The following ZBTB25 variants were observed in gnomAD, a reference collection of about 807,000 sequenced individuals.
The protein encoded by ZBTB25 is zinc finger and BTB domain containing 25, also known as zinc finger and BTB domain-containing protein 25.
In ZBTB25, 20 loss-of-function variants were observed where a neutral mutation model predicts 34.2. That is an observed-to-expected ratio of 0.58 (90% confidence interval 0.41 to 0.85). The LOEUF (loss-of-function observed/expected upper bound fraction) is 0.85, where lower values mean the gene tolerates loss of function less well. Ranked by LOEUF, ZBTB25 falls within the 40% of genes least tolerant of loss-of-function variation. The probability of loss-of-function intolerance (pLI) is 0.00; values close to 1 mark genes in which losing one functional copy is unlikely to be tolerated. For missense variants in ZBTB25, 437 were observed against 521.8 expected, an observed-to-expected ratio of 0.84 and a Z score of 1.58; for synonymous variants, 175 against 186.4, an observed-to-expected ratio of 0.94 and a Z score of 0.50.
chr14:64,463,227 A>AACACACACACACACACACACACACACAC (rs60057039), intron 2 of ZBTB25: 14 of 144,096 alleles, frequency 9.7e-5, no homozygotes, highest in African/African-American at 2.5e-5. Flanking sequence ...GGATACATTA[A>AACACACACACACACACACACACACACAC]ACACACACAC....
chr14:64,488,277 G>A lies in ZBTB25; in HGVS notation c.174-220C>T, dbSNP rs373348618. 1.3e-4 allele frequency among the ~76,000 whole-genome samples: 20 copies of A among 152,112 alleles called. No homozygotes were observed. In the East Asian group the frequency reaches 3.5e-3, roughly 26 times the overall value. ...GTATTCAATCTACTGCCTAAAGTTA[G>A]GAAACACAGACATACATTCTGAATA... On this transcript the variant is annotated intron_variant, in intron 2 of 2. Coordinates refer to ENST00000608382, the MANE Select transcript of ZBTB25 (RefSeq NM_006977.5).
Position 64,486,101 on chromosome 14 carries a change from C to T in ZBTB25, c.*822G>A. 9 of 773,858 alleles carry T rather than the reference C, an allele frequency of 1.2e-5. No homozygotes were observed. The highest frequency in any genetic ancestry group is 1.4e-5 in the Non-Finnish European group (9 of 637,904). The allele number at this position is 773,858 out of a possible 1,614,324, so 47.9% of individuals were successfully genotyped here. ...GATGACGAGGTCAGGAGATCGAGACCATCCTGGCTAACACGGTGAAACCCC... is the reference window on the plus strand; with the variant it reads ...GATGACGAGGTCAGGAGATCGAGACTATCCTGGCTAACACGGTGAAACCCC... On this transcript the variant is annotated 3_prime_UTR_variant, in exon 3 of 3. Transcript: ENST00000608382.
At position 64,487,753 on chromosome 14, in the gene ZBTB25, C is replaced by T; in HGVS notation, c.478G>A (p.Ala160Thr). 1 of 1,614,168 alleles carries T rather than the reference C, an allele frequency of 6.2e-7. No homozygotes were observed. Among genetic ancestry groups the T allele is most frequent in the South Asian group, 1.1e-5 (1 of 91,078 alleles). The change falls in exon 3 of 3, where the codon GCT becomes ACT. Residue 160 changes from alanine (A) to threonine (T), a missense_variant. Ala to Thr is a moderately conservative substitution (Grantham distance 58). Coordinates refer to ENST00000608382, the MANE Select transcript of ZBTB25 (RefSeq NM_006977.5). ...AACTGGGGGTGGTCACCCTGGACAG[C>T]AGCTCTGTTTCCACTGTTACTGGAA... ...APSSNSGNRA[A>T]VQGDHPQLQL...
chr14:64,454,867 G>A (rs748447801), intron 2 of ZBTB25: 1 of 1,614,102 alleles, frequency 6.2e-7, no homozygotes, highest in Non-Finnish European at 8.5e-7. Context: ...GTACCCCTTA[G>A]TAGGAACGGT....
chr14:64,469,471 T>G, intron 2 of ZBTB25: 3 of 1,613,338 alleles, frequency 1.9e-6, no homozygotes, highest in Non-Finnish European at 2.5e-6. Context: ...AAAATGTCCC[T>G]AAGCAATTCT....
intron 2 of ZBTB25, among the ~76,000 whole-genome samples, chr14:64,452,102 C>T (rs955469267): frequency 5.3e-5 from 8 of 152,138 alleles, no homozygotes; most frequent in African/African-American, 1.7e-4. Flanking sequence ...TCGAGACCAG[C>T]CTGACCAAGA....
intron 1 of ZBTB25, among the ~76,000 whole-genome samples, chr14:64,496,557 A>G (rs2079284246): frequency 6.6e-6 from 1 of 152,216 alleles, no homozygotes; most frequent in Non-Finnish European, 1.5e-5. Context: ...AATATTTACT[A>G]TATTCAAAAT....
Position 64,487,774 on chromosome 14 carries a change from T to C in ZBTB25, c.457A>G (p.Ser153Gly). The change falls in exon 3 of 3, where the codon AGT becomes GGT. Residue 153 changes from serine to glycine, a missense_variant. By Grantham distance (56) the Ser-to-Gly change is moderately conservative. Coordinates refer to ENST00000608382, the MANE Select transcript of ZBTB25 (RefSeq NM_006977.5). ...QGLEVKEAPS[S>G]NSGNRAAVQG... is the part of the protein sequence containing the mutation. ...ACAGCAGCTCTGTTTCCACTGTTAC[T>C]GGAAGGAGCTTCTTTGACCTCCAGT... is the stretch of plus-strand genomic sequence containing the variant. The C allele has an allele frequency of 3.1e-6, 5 of 1,614,216 alleles. No homozygotes were observed. The highest frequency in any genetic ancestry group is 4.2e-6 in the Non-Finnish European group (5 of 1,180,030).
At position 64,502,958 on chromosome 14, in the gene ZBTB25, A is replaced by G. The variant is rs1232033384; in HGVS notation, c.-8+703T>C. ...TGCCAGGACTTGAGTCTCAAGAGAAAGAATGCCAAATTTAATCCCTTGGGG... is the reference window on the plus strand; with the variant it reads ...TGCCAGGACTTGAGTCTCAAGAGAAGGAATGCCAAATTTAATCCCTTGGGG... On this transcript the variant is annotated intron_variant, in intron 1 of 2. Coordinates refer to ENST00000608382, the MANE Select transcript of ZBTB25 (RefSeq NM_006977.5). 3.0e-6 allele frequency: 3 copies of G among 985,402 alleles called. No homozygotes were observed. In the African/African-American group the frequency reaches 5.2e-5, roughly 17 times the overall value. 61.0% of individuals were successfully genotyped at this position (985,402 alleles called of 1,614,324 possible).
intron 2 of ZBTB25, among the ~76,000 whole-genome samples, chr14:64,451,102 G>A (rs1304504664): frequency 6.6e-6 from 1 of 152,110 alleles, no homozygotes; most frequent in Admixed American, 6.5e-5. Context: ...CCGGGAGGCG[G>A]ACGTTGCAAT....
chr14:64,466,499 C>T (rs758717773), intron 2 of ZBTB25, among the ~76,000 whole-genome samples: 107 of 152,156 alleles, frequency 7.0e-4, no homozygotes, highest in Non-Finnish European at 1.2e-3. Flanking sequence ...TGAAAACTCA[C>T]AAGAGGTGAG....
chr14:64,458,378 C>T, intron 2 of ZBTB25: 1 of 989,554 alleles, frequency 1.0e-6, no homozygotes. Context: ...AGGGCTCAAA[C>T]TGACGCTATA....
chr14:64,486,886 T>C lies in ZBTB25; in HGVS notation c.*37A>G. 6.6e-7 allele frequency: 1 copy of C among 1,525,724 alleles called. No homozygotes were observed. Among genetic ancestry groups the C allele is most frequent in the South Asian group, 1.3e-5 (1 of 77,014 alleles). 94.5% of individuals were successfully genotyped at this position (1,525,724 alleles called of 1,614,324 possible). ...TTAAAAATGCCACGCAAATTTTCTT[T>C]TTCAGAATTGGTATAAAAATTCTGA... On this transcript the variant is annotated 3_prime_UTR_variant, in exon 3 of 3. Coordinates refer to ENST00000608382, the MANE Select transcript of ZBTB25 (RefSeq NM_006977.5).
At chr14:64,469,603 T>G in intron 2 of ZBTB25, 1 of 1,612,570 alleles carries the variant, frequency 6.2e-7, no homozygotes, top group African/African-American at 1.3e-5. Flanking sequence ...TCAAGAATGC[T>G]ATTCAGTTGT....
At position 64,486,954 on chromosome 14, in the gene ZBTB25, T is replaced by C; in HGVS notation, c.1277A>G (p.Gln426Arg). Residue 426 changes from glutamine (Q) to arginine (R), a missense_variant, in exon 3 of 3, where the codon CAA becomes CGA. Physicochemically the swap from Gln to Arg is conservative, Grantham distance 43. Coordinates refer to ENST00000608382, the MANE Select transcript of ZBTB25 (RefSeq NM_006977.5). The part of the protein sequence containing the change: ...LPCALESELT[Q>R]ENVDTILVE ...AACTAGGATAGTATCCACATTTTCT[T>C]GTGTGAGCTCTGACTCTAAGGCACA... 3 of 1,612,574 alleles carry C rather than the reference T, an allele frequency of 1.9e-6. No homozygotes were observed. Among genetic ancestry groups the C allele is most frequent in the Non-Finnish European group, 2.5e-6 (3 of 1,179,408 alleles).
chr14:64,459,838 G>A (rs1168091193), intron 2 of ZBTB25: 1 of 1,536,074 alleles, frequency 6.5e-7, no homozygotes, highest in African/African-American at 1.4e-5. Flanking sequence ...GGAAGTATAA[G>A]TAAGCCAAGA....
intron 1 of ZBTB25, among the ~76,000 whole-genome samples, chr14:64,496,066 C>T (rs1048591228): frequency 2.6e-5 from 4 of 151,888 alleles, no homozygotes; most frequent in Non-Finnish European, 1.5e-5. Context: ...TCTTTTTAAA[C>T]GAAAGCAATT....
Position 64,449,128 on chromosome 14 carries a change from G to C in ZBTB25, c.*423C>G, listed in dbSNP as rs1350741126. On this transcript the variant is annotated 3_prime_UTR_variant, in exon 3 of 3. Transcript: ENST00000555220. ...AAATTCTTAAATGCTAGTATTTACTGATTCCTTCTGGAGTGCTGGGAATTT... is the reference window on the plus strand; with the variant it reads ...AAATTCTTAAATGCTAGTATTTACTCATTCCTTCTGGAGTGCTGGGAATTT... 9.9e-6 allele frequency: 4 copies of C among 402,954 alleles called. No individual in the cohort carries two copies. In the East Asian group the frequency reaches 2.3e-4, roughly 23 times the overall value. 25.0% of individuals were successfully genotyped at this position (402,954 alleles called of 1,614,324 possible). A position where few individuals can be genotyped will look rare whatever the true frequency, so the allele number is the denominator to read the frequency against.
At chr14:64,504,770 G>A (rs2079611687), upstream of ZBTB25, 2 of 378,726 alleles carry the variant, frequency 5.3e-6, no homozygotes, top group Non-Finnish European at 9.4e-6. Context: ...GAAGTCCTTT[G>A]TTGCAGCACA....
Sources: gnomAD v4.1 joint callset for allele counts (sites outside exome capture counted in the v4.1 genomes callset) on GRCh38, gnomAD v4.1.1 for gene constraint, MANE v1.5 for transcripts, NCBI Gene and HGNC (gene_info 2026-07-23, HGNC 2026-07-21) for gene names.